TENM4: variants seen among roughly 807,000 people sequenced by gnomAD.
TENM4 encodes the protein teneurin transmembrane protein 4, also known as teneurin-4.
In TENM4, 82 loss-of-function variants were observed where a neutral mutation model predicts 243.3. The observed-to-expected ratio is 0.34, with a 90% CI of 0.28 to 0.40. TENM4 has a LOEUF of 0.40. TENM4 is among the 10% of genes least tolerant of loss of function. The probability of loss-of-function intolerance (pLI) is 1.00; values close to 1 mark genes in which losing one functional copy is unlikely to be tolerated. For synonymous variants in TENM4, 1,412 were observed against 1,456.3 expected (o/e 0.97, Z 0.69); for missense variants, 3,138 against 3,673.3 (o/e 0.85, Z 3.77).
chr11:79,308,754 A>C (rs1044438127), intron 1 of TENM4, among the ~76,000 whole-genome samples: 7 of 152,014 alleles, frequency 4.6e-5, no homozygotes, highest in African/African-American at 1.7e-4. Context: ...CATGCCACCC[A>C]CTCTGCAGAG....
rs1022749409 is a variant in TENM4, at chr11:78,757,276, A to C, written c.2540-255T>G. Among the ~76,000 whole-genome samples the C allele has an allele frequency of 2.6e-5, 4 of 152,328 alleles. No individual in the cohort carries two copies. The South Asian group carries it at 8.3e-4, about 32-fold the overall frequency. ...CTGTATGTTTTTCCTTCCATCGAGA[A>C]TAGAAGAGATTGTATGTATGAAGAC... On this transcript the variant is annotated intron_variant, in intron 18 of 33. Coordinates refer to ENST00000278550, the MANE Select transcript of TENM4 (RefSeq NM_001098816.3).
intron 6 of TENM4, among the ~76,000 whole-genome samples, chr11:78,998,575 TTA>T (rs1858234522): frequency 7.6e-6 from 1 of 131,538 alleles, no homozygotes; most frequent in African/African-American, 2.7e-5. Flanking sequence ...CTGCTATATT[TTA>T]GGTAAGAACA....
intron 2 of TENM4, among the ~76,000 whole-genome samples, chr11:79,267,588 G>A (rs1855903400): frequency 6.6e-6 from 1 of 151,994 alleles, no homozygotes; most frequent in South Asian, 2.1e-4. Context: ...AACATCTCTG[G>A]TCCTTCATTT....
In TENM4 at chr11:79,098,224, C is replaced by A. The variant is rs538005663; in HGVS notation, c.-65-28215G>T. Reference sequence around the variant, plus strand: ...GCGGGTCTCTTGTGTCTCCCCCACCCCCCCCCATCTCCCAGCTCAGTGAGA... The same window carrying A: ...GCGGGTCTCTTGTGTCTCCCCCACCACCCCCCATCTCCCAGCTCAGTGAGA... On this transcript the variant is annotated intron_variant, in intron 4 of 33. Transcript: ENST00000278550. Among the ~76,000 whole-genome samples the A allele has an allele frequency of 1.4e-3, 215 of 151,534 alleles. 1 individual carries two copies. Among genetic ancestry groups the A allele is most frequent in the Admixed American group, 2.9e-3 (44 of 15,244 alleles).
At chr11:79,391,714 G>C (rs1019160573) in intron 1 of TENM4, among the ~76,000 whole-genome samples, 1 of 152,074 alleles carries the variant, frequency 6.6e-6, no homozygotes, top group Non-Finnish European at 1.5e-5. Context: ...GAAATTAATG[G>C]CTTTGATTAT....
intron 4 of TENM4, chr11:79,076,457 G>A (rs2137017059): frequency 6.5e-6 from 1 of 153,594 alleles, no homozygotes; most frequent in East Asian, 1.9e-4. Context: ...AGAAGAGAGA[G>A]CTTGTGCAGG....
At chr11:78,861,985 T>C (rs983141016) in intron 10 of TENM4, among the ~76,000 whole-genome samples, 4 of 152,226 alleles carry the variant, frequency 2.6e-5, no homozygotes, top group Non-Finnish European at 5.9e-5. Flanking sequence ...TGTGCCACTC[T>C]TGGCTGACAA....
rs1255612557 is a variant in TENM4 at position 79,139,827 on chromosome 11, A to G, written c.-66+8883T>C. ...TATAATATATATTTTATATTTATAT[A>G]TAATACATAGATTATGTAATATATA... On this transcript the variant is annotated intron_variant, in intron 4 of 33. Transcript: ENST00000278550. 5.4e-4 allele frequency among the ~76,000 whole-genome samples: 69 copies of G among 127,696 alleles called. 1 individual carries two copies. The highest frequency in any genetic ancestry group is 2.1e-3 in the African/African-American group (68 of 32,554). The allele number at this position is 127,696 out of a possible 152,430, so 83.8% of individuals were successfully genotyped here.
intron 15 of TENM4, among the ~76,000 whole-genome samples, chr11:78,797,614 C>T (rs1280786712): frequency 1.3e-5 from 2 of 152,176 alleles, no homozygotes; most frequent in East Asian, 3.9e-4. Context: ...CTTGTCTGGG[C>T]CCAATTTTCC....
intron 1 of TENM4, among the ~76,000 whole-genome samples, chr11:79,330,098 A>G (rs1857037983): frequency 1.3e-5 from 2 of 152,148 alleles, no homozygotes; most frequent in African/African-American, 4.8e-5. Context: ...CTGTTTGCCT[A>G]TTTCCATGGT....
chr11:79,105,555 T>C (rs965530592), intron 4 of TENM4, among the ~76,000 whole-genome samples: 2 of 152,246 alleles, frequency 1.3e-5, no homozygotes, highest in African/African-American at 4.8e-5. Flanking sequence ...TTGCTCCTGA[T>C]GCTGGGAAGG....
At chr11:79,218,257 C>A (rs1234603354) in intron 2 of TENM4, among the ~76,000 whole-genome samples, 1 of 70,340 alleles carries the variant, frequency 1.4e-5, no homozygotes, top group Non-Finnish European at 3.5e-5. Flanking sequence ...ACACACAACC[C>A]CACCCCAAGT....
chr11:78,707,514 C>G (rs960363321), intron 27 of TENM4, among the ~76,000 whole-genome samples: 1 of 152,260 alleles, frequency 6.6e-6, no homozygotes, highest in Non-Finnish European at 1.5e-5. Flanking sequence ...CTGCGGCCAC[C>G]TGCTTCCAAG....
chr11:79,029,254 C>T lies in TENM4; in HGVS notation c.493+35484G>A, dbSNP rs544205639. 9.9e-5 allele frequency among the ~76,000 whole-genome samples: 15 copies of T among 152,226 alleles called. No individual in the cohort carries two copies. The East Asian group carries it at 2.1e-3, about 22-fold the overall frequency. On this transcript the variant is annotated intron_variant, in intron 6 of 33. Transcript: ENST00000278550. ...ATCCAGCCTCTGCTCTTAAGGAGCTCAAAGTCTAGCGGAGAGCTAATACAC... is the reference window on the plus strand; with the variant it reads ...ATCCAGCCTCTGCTCTTAAGGAGCTTAAAGTCTAGCGGAGAGCTAATACAC...
At chr11:79,087,916 T>C (rs1417647819) in intron 4 of TENM4, among the ~76,000 whole-genome samples, 1 of 152,194 alleles carries the variant, frequency 6.6e-6, no homozygotes, top group Admixed American at 6.5e-5. Flanking sequence ...AGAGCCTCCC[T>C]CAGCAACTGT....
chr11:79,146,568 T>TGGAACCAAAA (rs1371518254), intron 4 of TENM4, among the ~76,000 whole-genome samples: 1 of 152,014 alleles, frequency 6.6e-6, no homozygotes, highest in East Asian at 1.9e-4. Flanking sequence ...TTCAGGGGCA[T>TGGAACCAAAA]GGTCTTATGG....
At chr11:78,787,362 T>C (rs1856963324) in intron 15 of TENM4, among the ~76,000 whole-genome samples, 6 of 152,218 alleles carry the variant, frequency 3.9e-5, no homozygotes, top group Admixed American at 3.9e-4. Context: ...GGAAGGATTG[T>C]AGGGCTCTGC....
chr11:79,129,497 C>A (rs1197677771), intron 4 of TENM4, among the ~76,000 whole-genome samples: 1 of 152,106 alleles, frequency 6.6e-6, no homozygotes, highest in African/African-American at 2.4e-5. Flanking sequence ...GCCCAGCTCG[C>A]CCACCACCTG....
At chr11:79,134,660 C>T (rs983936038) in intron 4 of TENM4, among the ~76,000 whole-genome samples, 4 of 151,996 alleles carry the variant, frequency 2.6e-5, no homozygotes, top group African/African-American at 4.8e-5. Flanking sequence ...CATAGACCAA[C>T]GGAACAGAAT....
Sources: allele counts gnomAD v4.1 joint callset (sites outside exome capture counted in the v4.1 genomes callset), GRCh38; gene constraint gnomAD v4.1.1; transcripts MANE v1.5; gene names NCBI Gene and HGNC (gene_info 2026-07-23, HGNC 2026-07-21).